Variants in CEP170 observed in about 807,000 individuals in gnomAD.
CEP170 encodes the protein centrosomal protein 170, also known as centrosomal protein of 170 kDa.
In CEP170, 21 loss-of-function variants were observed where a neutral mutation model predicts 151.9. The observed-to-expected ratio is 0.14, with a 90% CI of 0.10 to 0.20. CEP170 has a LOEUF of 0.20. Among genes scored for constraint, CEP170 ranks in the 10% least tolerant of loss-of-function variants. The pLI is 1.00. For missense variants in CEP170, 964 were observed against 1,892.9 expected, an observed-to-expected ratio of 0.51 and a Z score of 9.11; for synonymous variants, 356 against 648.8, an observed-to-expected ratio of 0.55 and a Z score of 6.86.
At chr1:243,194,442 T>C (rs1378430500) in intron 7 of CEP170, among the ~76,000 whole-genome samples, 2 of 151,946 alleles carry the variant, frequency 1.3e-5, no homozygotes, top group Admixed American at 1.3e-4. Flanking sequence ...TAAATTATAC[T>C]GAAACTTCTC....
chr1:243,174,249 TATTAA>T (rs1209055622), intron 10 of CEP170, among the ~76,000 whole-genome samples: 2 of 151,402 alleles, frequency 1.3e-5, no homozygotes, highest in African/African-American at 4.9e-5. Flanking sequence ...GGCATATAAA[TATTAA>T]CATTCTATTC....
chr1:243,223,874 CTA>C (rs1229652089), intron 2 of CEP170, among the ~76,000 whole-genome samples: 1 of 151,978 alleles, frequency 6.6e-6, no homozygotes, highest in South Asian at 2.1e-4. Flanking sequence ...AAAAAAATTC[CTA>C]TGTTTTTAGT....
intron 17 of CEP170, among the ~76,000 whole-genome samples, chr1:243,130,544 T>A (rs2054277990): frequency 6.6e-6 from 1 of 152,220 alleles, no homozygotes. Flanking sequence ...GATTCAGCAG[T>A]CTTAGATGTA....
intron 14 of CEP170, among the ~76,000 whole-genome samples, chr1:243,146,330 T>A (rs2056482136): frequency 6.6e-6 from 1 of 152,138 alleles, no homozygotes; most frequent in Non-Finnish European, 1.5e-5. Context: ...GGGAATGAGA[T>A]TCGCGAAGAA....
At chr1:243,154,547 C>T (rs1245081924) in intron 14 of CEP170, among the ~76,000 whole-genome samples, 1 of 152,080 alleles carries the variant, frequency 6.6e-6, no homozygotes, top group Non-Finnish European at 1.5e-5. Context: ...AGATATATAG[C>T]TAGAAAGTAT....
At chr1:243,134,015 T>C (rs1376639437) in intron 17 of CEP170, among the ~76,000 whole-genome samples, 1 of 152,238 alleles carries the variant, frequency 6.6e-6, no homozygotes, top group East Asian at 1.9e-4. Context: ...ATTAATATTG[T>C]TATTATACTT....
chr1:243,203,105 C>G (rs2061167418), intron 4 of CEP170, among the ~76,000 whole-genome samples: 1 of 152,162 alleles, frequency 6.6e-6, no homozygotes, highest in Non-Finnish European at 1.5e-5. Flanking sequence ...CATCTGGGAA[C>G]TCTGGTGTAA....
chr1:243,143,412 A>G (rs1172668137), intron 14 of CEP170, among the ~76,000 whole-genome samples: 3 of 152,038 alleles, frequency 2.0e-5, no homozygotes, highest in African/African-American at 7.2e-5. Context: ...ATTTCCATAA[A>G]GCCATTTGCA....
intron 7 of CEP170, among the ~76,000 whole-genome samples, chr1:243,198,262 C>T (rs1467813768): frequency 6.6e-6 from 1 of 152,074 alleles, no homozygotes; most frequent in East Asian, 1.9e-4. Flanking sequence ...CTGACACCTC[C>T]ATTCATTTCC....
intron 12 of CEP170, 79 bp from the exon 13 acceptor site, chr1:243,166,195 G>A (rs2148563128): frequency 6.6e-7 from 1 of 1,520,756 alleles, no homozygotes; most frequent in Admixed American, 2.1e-5. Context: ...ACAGTTGTCT[G>A]TCAGTATCCA....
chr1:243,147,949 G>A (rs2056683846), intron 14 of CEP170, among the ~76,000 whole-genome samples: 2 of 152,194 alleles, frequency 1.3e-5, no homozygotes, highest in Admixed American at 1.3e-4. Flanking sequence ...GGGAGGCTGA[G>A]GCAGGTGGAT....
At chr1:243,231,369 A>C (rs1268843719) in intron 1 of CEP170, among the ~76,000 whole-genome samples, 3 of 152,152 alleles carry the variant, frequency 2.0e-5, no homozygotes, top group Non-Finnish European at 4.4e-5. Flanking sequence ...AACTGTGAAA[A>C]AAATTTTTAA....
intron 16 of CEP170, among the ~76,000 whole-genome samples, chr1:243,138,898 A>G (rs1182150166): frequency 6.6e-6 from 1 of 152,218 alleles, no homozygotes; most frequent in Non-Finnish European, 1.5e-5. Context: ...ACTGTTTTCC[A>G]GAGCTGCGGC....
At chr1:243,136,808 T>C (rs574958509) in intron 16 of CEP170, among the ~76,000 whole-genome samples, 43 of 150,718 alleles carry the variant, frequency 2.9e-4, no homozygotes, top group African/African-American at 1.1e-3. Context: ...GGGTGAAGGT[T>C]TTGGTCTTTG....
At chr1:243,166,827 G>C (rs2148569598) in intron 12 of CEP170, among the ~76,000 whole-genome samples, 1 of 152,080 alleles carries the variant, frequency 6.6e-6, no homozygotes, top group South Asian at 2.1e-4. Flanking sequence ...ATTATGGAAT[G>C]GCTAAGTCAA....
intron 4 of CEP170, chr1:243,211,127 C>T (rs1281764091): frequency 6.6e-6 from 1 of 151,382 alleles, no homozygotes; most frequent in African/African-American, 2.4e-5. Flanking sequence ...AAAAAACAAC[C>T]TTCAGCATTA....
intron 1 of CEP170, among the ~76,000 whole-genome samples, chr1:243,235,680 TAA>T (rs754978054): frequency 6.6e-5 from 9 of 135,950 alleles, no homozygotes; most frequent in African/African-American, 8.1e-5. Context: ...GCATTAAAAC[TAA>T]AAAAAAAAAA....
chr1:243,202,443 T>G (rs1189666434), intron 4 of CEP170, among the ~76,000 whole-genome samples: 1 of 152,120 alleles, frequency 6.6e-6, no homozygotes, highest in Non-Finnish European at 1.5e-5. Context: ...CTTGTATCCC[T>G]AAAGCTATTG....
chr1:243,187,605 A>G (rs2060015590), intron 8 of CEP170, among the ~76,000 whole-genome samples: 1 of 152,210 alleles, frequency 6.6e-6, no homozygotes, highest in African/African-American at 2.4e-5. Context: ...CACCCACTGA[A>G]TAATATGGTA....
Sources: allele counts gnomAD v4.1 joint callset (sites outside exome capture counted in the v4.1 genomes callset), GRCh38; gene constraint gnomAD v4.1.1; transcripts MANE v1.5; gene names NCBI Gene and HGNC (gene_info 2026-07-23, HGNC 2026-07-21).